The following IMMP2L variants were observed in gnomAD, a reference collection of about 807,000 sequenced individuals.
IMMP2L encodes mitochondrial inner membrane protease subunit 2.
IMMP2L carries 18 observed loss-of-function variants against 19.3 expected under a neutral mutation model. The observed-to-expected ratio is 0.93, with a 90% CI of 0.64 to 1.38. IMMP2L has a LOEUF of 1.38. Among genes scored for constraint, IMMP2L ranks in the 40% most tolerant of loss-of-function variants. The pLI is 0.00. For missense variants in IMMP2L, 233 were observed against 218.2 expected, an observed-to-expected ratio of 1.07 and a Z score of -0.43; for synonymous variants, 76 against 73.0, an observed-to-expected ratio of 1.04 and a Z score of -0.21.
intron 1 of IMMP2L, among the ~76,000 whole-genome samples, chr7:111,560,960 A>C (rs1372448259): frequency 2.0e-5 from 3 of 152,230 alleles, no homozygotes; most frequent in Non-Finnish European, 4.4e-5. Context: ...TTCCTGTGTA[A>C]GAATCCAAGA....
chr7:111,315,974 T>C (rs1178703023), intron 3 of IMMP2L, among the ~76,000 whole-genome samples: 1 of 152,072 alleles, frequency 6.6e-6, no homozygotes, highest in African/African-American at 2.4e-5. Flanking sequence ...CATCACAGGG[T>C]ATACTTACAC....
chr7:111,222,067 C>G (rs1336384297), intron 3 of IMMP2L, among the ~76,000 whole-genome samples: 1 of 151,832 alleles, frequency 6.6e-6, no homozygotes, highest in Non-Finnish European at 1.5e-5. Context: ...TGTCTTCCCC[C>G]ACCGATGTAT....
chr7:111,132,458 G>C lies in IMMP2L; in HGVS notation c.240-168893C>G, dbSNP rs114661170. 5.4e-3 allele frequency among the ~76,000 whole-genome samples: 818 copies of C among 152,094 alleles called. 14 individuals are homozygous for C. Among genetic ancestry groups the C allele is most frequent in the African/African-American group, 0.019 (785 of 41,522 alleles). Reference sequence around the variant, plus strand: ...ATCCTGCATAAAAAGTGAAGTTTGAGAAGACAGAAACTTCTCTTCAACATT... The same window carrying C: ...ATCCTGCATAAAAAGTGAAGTTTGACAAGACAGAAACTTCTCTTCAACATT... On this transcript the variant is annotated intron_variant, in intron 3 of 5. Transcript: ENST00000405709.
At chr7:111,292,888 T>C (rs1283724760) in intron 3 of IMMP2L, among the ~76,000 whole-genome samples, 1 of 152,052 alleles carries the variant, frequency 6.6e-6, no homozygotes, top group Admixed American at 6.6e-5. Flanking sequence ...ACAACCATTA[T>C]AACCACTTTG....
intron 3 of IMMP2L, among the ~76,000 whole-genome samples, chr7:111,351,172 G>A (rs73424031): frequency 1.2e-4 from 19 of 152,136 alleles, no homozygotes; most frequent in African/African-American, 4.6e-4. Context: ...TGAATGAGGG[G>A]AGCATTTTTA....
chr7:110,985,115 T>C (rs1293443577), intron 3 of IMMP2L, among the ~76,000 whole-genome samples: 1 of 151,974 alleles, frequency 6.6e-6, no homozygotes, highest in Admixed American at 6.6e-5. Context: ...GGCAAGGAGT[T>C]AGAAAAGGCA....
At position 110,930,173 on chromosome 7, in the gene IMMP2L, C is replaced by A. The variant is rs1468886058; in HGVS notation, c.305+33327G>T. 2.6e-5 allele frequency among the ~76,000 whole-genome samples: 4 copies of A among 152,140 alleles called. No homozygotes were observed. The East Asian group carries it at 7.7e-4, about 29-fold the overall frequency. On this transcript the variant is annotated intron_variant, in intron 4 of 5. Coordinates refer to ENST00000405709, the MANE Select transcript of IMMP2L (RefSeq NM_032549.4). ...ACAACAATGAAACTTCATTATTCTG[C>A]TGAAGCCTTTACTTCCTTTTCATAT...
intron 3 of IMMP2L, among the ~76,000 whole-genome samples, chr7:110,974,550 T>C (rs139841011): frequency 2.0e-5 from 3 of 152,256 alleles, no homozygotes; most frequent in East Asian, 3.9e-4. Flanking sequence ...TTTTAAAATA[T>C]AGAGCCCCAA....
intron 3 of IMMP2L, among the ~76,000 whole-genome samples, chr7:111,197,953 G>T (rs1351505752): frequency 1.3e-5 from 2 of 152,070 alleles, no homozygotes; most frequent in African/African-American, 4.8e-5. Context: ...AACAAAGAAG[G>T]AGGAAAAAAC....
chr7:111,450,400 C>T (rs1214197223), intron 3 of IMMP2L, among the ~76,000 whole-genome samples: 4 of 151,850 alleles, frequency 2.6e-5, no homozygotes, highest in African/African-American at 7.3e-5. Flanking sequence ...CCTCAAATAA[C>T]GCCGCATACC....
At position 111,325,184 on chromosome 7, in the gene IMMP2L, T is replaced by C. The variant is rs185339088; in HGVS notation, c.239+162054A>G. ...AGTTACAAAATAATATATGTTTTCA[T>C]AGCTGTATATTCTTTGAGCTAATTC... On this transcript the variant is annotated intron_variant, in intron 3 of 5. Transcript: ENST00000405709. Among the ~76,000 whole-genome samples the C allele has an allele frequency of 4.2e-3, 637 of 151,926 alleles. 4 individuals are homozygous for C. The highest frequency in any genetic ancestry group is 0.01 in the Middle Eastern group (3 of 294).
At chr7:111,229,326 T>C (rs1174117242) in intron 3 of IMMP2L, among the ~76,000 whole-genome samples, 1 of 152,074 alleles carries the variant, frequency 6.6e-6, no homozygotes, top group Non-Finnish European at 1.5e-5. Context: ...CTTAGGATAG[T>C]AAGTGATACG....
chr7:111,527,821 G>C (rs1042136908), intron 1 of IMMP2L, among the ~76,000 whole-genome samples: 2 of 152,078 alleles, frequency 1.3e-5, no homozygotes, highest in Non-Finnish European at 2.9e-5. Context: ...GTTTTTCTGA[G>C]AGATTATAAA....
At chr7:110,670,992 T>C (rs975704191) in intron 5 of IMMP2L, among the ~76,000 whole-genome samples, 1 of 152,232 alleles carries the variant, frequency 6.6e-6, no homozygotes, top group African/African-American at 2.4e-5. Context: ...GATTCACATT[T>C]TTCAGGTATA....
intron 3 of IMMP2L, among the ~76,000 whole-genome samples, chr7:111,358,983 C>T (rs955175189): frequency 1.2e-4 from 18 of 152,046 alleles, no homozygotes; most frequent in East Asian, 1.9e-4. Flanking sequence ...CTTTCATGCA[C>T]GCTAAGTTAG....
At chr7:111,467,777 C>T (rs562633694) in intron 3 of IMMP2L, among the ~76,000 whole-genome samples, 3 of 152,168 alleles carry the variant, frequency 2.0e-5, no homozygotes, top group South Asian at 2.1e-4. Context: ...CAAACACTCC[C>T]GAAGTAGAAG....
intron 5 of IMMP2L, among the ~76,000 whole-genome samples, chr7:110,885,076 A>AT (rs1003978190): frequency 1.2e-4 from 18 of 151,998 alleles, no homozygotes; most frequent in African/African-American, 4.1e-4. Context: ...TATGGATAAA[A>AT]TTTTTTCACA....
chr7:111,513,856 A>T (rs1471414032), intron 2 of IMMP2L, among the ~76,000 whole-genome samples: 4 of 152,024 alleles, frequency 2.6e-5, no homozygotes, highest in Admixed American at 2.6e-4. Flanking sequence ...TCAGCTTTTA[A>T]AAAGAAGGAA....
intron 3 of IMMP2L, among the ~76,000 whole-genome samples, chr7:110,989,791 C>G (rs1822263469): frequency 6.6e-6 from 1 of 151,570 alleles, no homozygotes; most frequent in Non-Finnish European, 1.5e-5. Flanking sequence ...ATCTGATGGG[C>G]AAATGTTTTT....
Sources: gnomAD v4.1 joint callset for allele counts (sites outside exome capture counted in the v4.1 genomes callset) on GRCh38, gnomAD v4.1.1 for gene constraint, MANE v1.5 for transcripts, NCBI Gene and HGNC (gene_info 2026-07-23, HGNC 2026-07-21) for gene names.